Variants in CTDP1 observed in about 807,000 individuals in gnomAD.
The protein encoded by CTDP1 is CTD phosphatase 1.
Under a neutral mutation model 91.8 loss-of-function variants are expected in CTDP1, and 47 were observed. The ratio of observed to expected loss-of-function variants is 0.51; its 90% CI spans 0.41 to 0.65. The LOEUF is 0.65. CTDP1 is among the 30% of genes least tolerant of loss of function. The pLI, the probability that CTDP1 is intolerant of heterozygous loss-of-function variation, is 0.00. For missense variants in CTDP1, 1,272 were observed against 1,373.7 expected (o/e 0.93, Z 1.17); for synonymous variants, 656 against 598.5 (o/e 1.10, Z -1.40).
In CTDP1 at chr18:79,743,966, C is replaced by T. The variant is rs750501088; in HGVS notation, c.2747+7445C>T. Reference sequence around the variant, plus strand: ...GCCCATTCTATCCAAAGCCACCCTCCGCTCACTGAGACAGATGCAGCTCAG... The same window carrying T: ...GCCCATTCTATCCAAAGCCACCCTCTGCTCACTGAGACAGATGCAGCTCAG... On this transcript the variant is annotated intron_variant, in intron 12 of 12. Transcript: ENST00000613122. 1.6e-3 allele frequency among the ~76,000 whole-genome samples: 241 copies of T among 152,246 alleles called. 3 individuals are homozygous for T. Among genetic ancestry groups the T allele is most frequent in the Non-Finnish European group, 1.9e-3 (126 of 68,006 alleles).
At chr18:79,696,151 A>G in intron 3 of CTDP1, 81 bp downstream of exon 3, 7 of 1,223,266 alleles carry the variant, frequency 5.7e-6, no homozygotes, top group South Asian at 1.2e-5. Context: ...GTGGCTGCAG[A>G]AGCACGGACG....
intron 1 of CTDP1, among the ~76,000 whole-genome samples, chr18:79,683,373 G>A (rs1300878565): frequency 3.9e-5 from 6 of 152,232 alleles, no homozygotes; most frequent in Admixed American, 3.3e-4. Flanking sequence ...ACACGCACTT[G>A]TATAGACAAG....
intron 12 of CTDP1, among the ~76,000 whole-genome samples, chr18:79,745,038 A>T (rs1474438832): frequency 6.6e-6 from 1 of 152,148 alleles, no homozygotes; most frequent in Non-Finnish European, 1.5e-5. Context: ...GTACCAGGCC[A>T]CTCCATGGGA....
chr18:79,719,850 T>A (rs1360010442), intron 10 of CTDP1, among the ~76,000 whole-genome samples: 2 of 149,440 alleles, frequency 1.3e-5, no homozygotes, highest in Non-Finnish European at 3.0e-5. Context: ...TAGGAAGGCG[T>A]CCTGGTGATG....
chr18:79,695,407 G>A (rs2085726653), intron 2 of CTDP1, 99 bp downstream of exon 2: 2 of 1,112,864 alleles, frequency 1.8e-6, no homozygotes, highest in East Asian at 2.4e-5. Context: ...TGAGGCCCTT[G>A]GTTTCCCAGC....
At chr18:79,699,792 G>A (rs1233224671) in intron 4 of CTDP1, among the ~76,000 whole-genome samples, 3 of 152,098 alleles carry the variant, frequency 2.0e-5, no homozygotes, top group Non-Finnish European at 4.4e-5. Flanking sequence ...GCAACCTGGC[G>A]AGCACGTCTG....
At chr18:79,739,067 C>T (rs2086722803) in intron 12 of CTDP1, among the ~76,000 whole-genome samples, 1 of 152,214 alleles carries the variant, frequency 6.6e-6, no homozygotes, top group Non-Finnish European at 1.5e-5. Context: ...CCACTGCCCT[C>T]CCCTGAAGAC....
intron 1 of CTDP1, 66 bp from the exon 2 acceptor site, chr18:79,695,159 T>C: frequency 6.8e-7 from 1 of 1,468,806 alleles, no homozygotes; most frequent in Non-Finnish European, 9.5e-7. Flanking sequence ...TTAAAATTCT[T>C]ACTTGGGGGC....
At chr18:79,692,669 G>C (rs1202491028) in intron 1 of CTDP1, among the ~76,000 whole-genome samples, 1 of 152,228 alleles carries the variant, frequency 6.6e-6, no homozygotes, top group African/African-American at 2.4e-5. Flanking sequence ...CTTGCATGGG[G>C]CAGGGGGTAG....
rs115390577 is a variant in CTDP1, at chr18:79,690,608, T to C, written c.315-4617T>C. On this transcript the variant is annotated intron_variant, in intron 1 of 12. Coordinates refer to ENST00000613122, the MANE Select transcript of CTDP1 (RefSeq NM_004715.5). ...TCTGTCAGCATCTGCAAAGACGAAG[T>C]GTAGAAATGTCTCGTATTAAGAAAA... Among the ~76,000 whole-genome samples, 736 of 152,302 alleles carry C rather than the reference T, an allele frequency of 4.8e-3. 5 individuals are homozygous for C. The highest frequency in any genetic ancestry group is 0.016 in the African/African-American group (680 of 41,560).
intron 1 of CTDP1, chr18:79,680,750 A>C (rs559758060): frequency 2.0e-5 from 3 of 152,564 alleles, no homozygotes; most frequent in African/African-American, 7.2e-5. Flanking sequence ...GGCGGAACCC[A>C]GGCCTGCAGC....
intron 6 of CTDP1, among the ~76,000 whole-genome samples, chr18:79,710,833 A>C (rs2086068113): frequency 6.6e-6 from 1 of 151,410 alleles, no homozygotes; most frequent in Admixed American, 6.6e-5. Context: ...GGCATGAGCC[A>C]CTGCACCCGG....
intron 8 of CTDP1, among the ~76,000 whole-genome samples, chr18:79,716,404 A>T (rs779727064): frequency 3.3e-5 from 5 of 152,194 alleles, no homozygotes; most frequent in Non-Finnish European, 7.3e-5. Flanking sequence ...CATTTGAATC[A>T]AGGGTAAATG....
chr18:79,738,823 C>T (rs2086719438), intron 12 of CTDP1, among the ~76,000 whole-genome samples: 1 of 152,228 alleles, frequency 6.6e-6, no homozygotes, highest in South Asian at 2.1e-4. Flanking sequence ...CTGTGTTTAC[C>T]ACGTAGAAAG....
intron 1 of CTDP1, 138 bp downstream of exon 1, chr18:79,680,399 C>A (rs2085336343): frequency 1.5e-6 from 1 of 654,060 alleles, no homozygotes; most frequent in Non-Finnish European, 2.2e-6. Flanking sequence ...AGGCACTGCG[C>A]TTCTCCCCTA....
chr18:79,703,371 T>C (rs776519782), intron 4 of CTDP1, among the ~76,000 whole-genome samples: 2 of 152,098 alleles, frequency 1.3e-5, no homozygotes, highest in Non-Finnish European at 2.9e-5. Context: ...ACTGAGAAAA[T>C]AACAGGATTT....
intron 12 of CTDP1, among the ~76,000 whole-genome samples, chr18:79,737,991 C>T (rs1331012193): frequency 6.6e-6 from 1 of 152,026 alleles, no homozygotes; most frequent in Non-Finnish European, 1.5e-5. Context: ...CTCTCCGCTC[C>T]ACTCCCCCGG....
chr18:79,689,755 TAG>T (rs1289995787), intron 1 of CTDP1, among the ~76,000 whole-genome samples: 10 of 152,246 alleles, frequency 6.6e-5, no homozygotes, highest in African/African-American at 2.4e-4. Context: ...CACTGCAAAC[TAG>T]GTGACGGAGC....
chr18:79,681,377 T>C, intron 1 of CTDP1: 1 of 858,760 alleles, frequency 1.2e-6, no homozygotes, highest in Non-Finnish European at 1.4e-6. Flanking sequence ...CAGTGGGCAC[T>C]GGCCGTACCT....
Sources: allele counts gnomAD v4.1 joint callset (sites outside exome capture counted in the v4.1 genomes callset), GRCh38; gene constraint gnomAD v4.1.1; transcripts MANE v1.5; gene names NCBI Gene and HGNC (gene_info 2026-07-23, HGNC 2026-07-21).